IMMP2L: variants seen among roughly 807,000 people sequenced by gnomAD.
The protein encoded by IMMP2L is mitochondrial inner membrane protease subunit 2.
A neutral mutation model predicts 19.3 loss-of-function variants in IMMP2L; 18 were observed. That is an observed-to-expected ratio of 0.93 (90% CI 0.64 to 1.38). The LOEUF is 1.38. IMMP2L is among the 40% of genes most tolerant of loss of function. The pLI is 0.00. For synonymous variants in IMMP2L, 76 were observed against 73.0 expected (o/e 1.04, Z -0.21); for missense variants, 233 against 218.2 (o/e 1.07, Z -0.43).
Position 111,490,716 on chromosome 7 carries a change from C to G in IMMP2L, c.136-3375G>C, listed in dbSNP as rs11505907. ...CAAGTTACTTAACTTCATTATGCCACTCATTACTAGGAAAATGGTGATGAA... is the reference window on the plus strand; with the variant it reads ...CAAGTTACTTAACTTCATTATGCCAGTCATTACTAGGAAAATGGTGATGAA... On this transcript the variant is annotated intron_variant, in intron 2 of 5. Transcript: ENST00000405709. 1.8e-3 allele frequency among the ~76,000 whole-genome samples: 281 copies of G among 151,906 alleles called. 1 individual carries two copies. Among genetic ancestry groups the G allele is most frequent in the African/African-American group, 6.6e-3 (274 of 41,366 alleles).
In IMMP2L at chr7:111,123,014, T is replaced by C. The variant is rs1283665184; in HGVS notation, c.240-159449A>G. 4 of 1,613,780 alleles carry C rather than the reference T, an allele frequency of 2.5e-6. No individual in the cohort carries two copies. The highest frequency in any genetic ancestry group is 3.4e-6 in the Non-Finnish European group (4 of 1,179,940). ...ATTCTTCTCCTACAGACTAACAATA[T>C]TGCAAAAATTGAATACTCCACAGAC... On this transcript the variant is annotated intron_variant, in intron 3 of 5. Transcript: ENST00000405709. This position sits in a 1 kb window ranked among gnomAD's most constrained non-coding sequence, Gnocchi z 6.4.
chr7:110,882,287 G>GCCTGCCTGCCTGCCTTCCTTCCTT (rs1387853201), intron 5 of IMMP2L, among the ~76,000 whole-genome samples: 2 of 122,068 alleles, frequency 1.6e-5, no homozygotes, highest in African/African-American at 6.6e-5. Context: ...TTTGTCAAGT[G>GCCTGCCTGCCTGCCTTCCTTCCTT]CCTTCCTTCC....
At chr7:110,704,741 G>C (rs936210117) in intron 5 of IMMP2L, among the ~76,000 whole-genome samples, 1 of 152,156 alleles carries the variant, frequency 6.6e-6, no homozygotes, top group Non-Finnish European at 1.5e-5. Flanking sequence ...AGACTATCAG[G>C]AAAAGTAAAC....
chr7:111,560,441 A>T (rs555922246), intron 1 of IMMP2L, among the ~76,000 whole-genome samples: 90 of 152,328 alleles, frequency 5.9e-4, no homozygotes, highest in African/African-American at 2.1e-3. Flanking sequence ...TACAAAAGTT[A>T]TCCTCATCTA....
intron 3 of IMMP2L, among the ~76,000 whole-genome samples, chr7:111,258,269 C>G (rs1816942927): frequency 6.6e-6 from 1 of 152,010 alleles, no homozygotes; most frequent in Admixed American, 6.6e-5. Context: ...CATGTCACCC[C>G]TCATGTGTGG....
At chr7:110,713,782 T>C (rs1382343947) in intron 5 of IMMP2L, among the ~76,000 whole-genome samples, 2 of 152,162 alleles carry the variant, frequency 1.3e-5, no homozygotes, top group African/African-American at 4.8e-5. Flanking sequence ...TTTTTGGACA[T>C]TGATTTTGTA....
At chr7:110,841,152 C>T (rs996088849) in intron 5 of IMMP2L, among the ~76,000 whole-genome samples, 4 of 151,882 alleles carry the variant, frequency 2.6e-5, no homozygotes, top group East Asian at 1.9e-4. Flanking sequence ...GTATAACACA[C>T]GGTTTCCTTT....
intron 5 of IMMP2L, among the ~76,000 whole-genome samples, chr7:110,735,472 T>G (rs1178310021): frequency 6.6e-6 from 1 of 151,834 alleles, no homozygotes; most frequent in Admixed American, 6.6e-5. Context: ...TGAGGCCACT[T>G]CAAAAGGAAG....
chr7:111,263,237 A>G (rs1207415785), intron 3 of IMMP2L, among the ~76,000 whole-genome samples: 1 of 152,146 alleles, frequency 6.6e-6, no homozygotes, highest in Non-Finnish European at 1.5e-5. Flanking sequence ...GGAAGCTGTA[A>G]TAAGTAGGTT....
chr7:111,092,802 C>T (rs1394536698), intron 3 of IMMP2L, among the ~76,000 whole-genome samples: 2 of 152,182 alleles, frequency 1.3e-5, no homozygotes, highest in African/African-American at 4.8e-5. Context: ...GCCCTCTTTA[C>T]TGGGTCCTGG....
Position 111,425,748 on chromosome 7 carries a change from G to A in IMMP2L, c.239+61490C>T, listed in dbSNP as rs184614464. Among the ~76,000 whole-genome samples, 4 of 151,272 alleles carry A rather than the reference G, an allele frequency of 2.6e-5. No homozygotes were observed. The East Asian group carries it at 7.7e-4, about 29-fold the overall frequency. On this transcript the variant is annotated intron_variant, in intron 3 of 5. Transcript: ENST00000405709. ...TCACTCAGTAAAGAAAGAGGAATCAGCAAGTGTTCCCAAACATTTTGAACC... is the reference window on the plus strand; with the variant it reads ...TCACTCAGTAAAGAAAGAGGAATCAACAAGTGTTCCCAAACATTTTGAACC...
chr7:111,119,481 A>C (rs1283197362), intron 3 of IMMP2L, among the ~76,000 whole-genome samples: 3 of 152,212 alleles, frequency 2.0e-5, no homozygotes, highest in Non-Finnish European at 4.4e-5. Flanking sequence ...TTGAAGAATA[A>C]AGCACAGATA....
intron 5 of IMMP2L, among the ~76,000 whole-genome samples, chr7:110,761,245 C>A (rs541920076): frequency 6.6e-6 from 1 of 152,220 alleles, no homozygotes; most frequent in African/African-American, 2.4e-5. Flanking sequence ...GACTTCTTGA[C>A]GATGGGGATG....
At chr7:111,121,905 A>G (rs942881901) in intron 3 of IMMP2L, among the ~76,000 whole-genome samples, 1 of 152,214 alleles carries the variant, frequency 6.6e-6, no homozygotes, top group Admixed American at 6.5e-5. Context: ...GCCATAAAAA[A>G]TGATGAGTTC....
At chr7:111,440,679 G>A (rs765571348) in intron 3 of IMMP2L, among the ~76,000 whole-genome samples, 1 of 151,854 alleles carries the variant, frequency 6.6e-6, no homozygotes, top group Non-Finnish European at 1.5e-5. Flanking sequence ...AACTTAAAGT[G>A]AACAGCTACA....
chr7:111,160,579 T>C (rs1041353309), intron 3 of IMMP2L, among the ~76,000 whole-genome samples: 2 of 151,938 alleles, frequency 1.3e-5, no homozygotes, highest in Admixed American at 6.6e-5. Context: ...GTTAAAAGTT[T>C]AATGACTTAA....
At chr7:111,359,292 A>T (rs1829027803) in intron 3 of IMMP2L, among the ~76,000 whole-genome samples, 1 of 151,686 alleles carries the variant, frequency 6.6e-6, no homozygotes, top group Non-Finnish European at 1.5e-5. Context: ...CTAATTCTCC[A>T]GGTTTTTGTT....
At chr7:111,233,547 A>C (rs1446413060) in intron 3 of IMMP2L, among the ~76,000 whole-genome samples, 2 of 152,140 alleles carry the variant, frequency 1.3e-5, no homozygotes, top group African/African-American at 4.8e-5. Flanking sequence ...GTTATTCAAA[A>C]ACTTGACTAA....
intron 5 of IMMP2L, among the ~76,000 whole-genome samples, chr7:110,802,240 A>G (rs1416618824): frequency 6.6e-6 from 1 of 151,894 alleles, no homozygotes; most frequent in Non-Finnish European, 1.5e-5. Context: ...ATTTTCATGA[A>G]ATTAGAGGTC....
Sources: gnomAD v4.1 joint callset for allele counts (sites outside exome capture counted in the v4.1 genomes callset) on GRCh38, gnomAD v4.1.1 for gene constraint, Gnocchi (gnomAD v3.1) non-coding constraint, MANE v1.5 for transcripts, NCBI Gene and HGNC (gene_info 2026-07-23, HGNC 2026-07-21) for gene names.